CTNNA3: variants seen among roughly 807,000 people sequenced by gnomAD.
The protein encoded by CTNNA3 is catenin alpha-3.
CTNNA3 carries 76 observed loss-of-function variants against 95.7 expected under a neutral mutation model. The observed-to-expected ratio is 0.79, with a 90% CI of 0.66 to 0.96. The LOEUF is 0.96. Among genes scored for constraint, CTNNA3 ranks in the 40% least tolerant of loss-of-function variants. The pLI is 0.00. For synonymous variants in CTNNA3, 431 were observed against 374.4 expected (o/e 1.15, Z -1.74); for missense variants, 1,191 against 1,089.8 (o/e 1.09, Z -1.31).
intron 9 of CTNNA3, among the ~76,000 whole-genome samples, chr10:66,633,266 T>C (rs1276178862): frequency 1.3e-5 from 2 of 152,176 alleles, no homozygotes; most frequent in Non-Finnish European, 2.9e-5. Flanking sequence ...CAGTGGAGAA[T>C]AAATTATGTA....
In CTNNA3 at chr10:65,920,464, C is replaced by T. The variant is rs778712224; in HGVS notation, c.2554G>A (p.Ala852Thr). The T allele has an allele frequency of 6.8e-6, 11 of 1,613,946 alleles. No homozygotes were observed. In the South Asian group the frequency reaches 8.8e-5, roughly 13 times the overall value. ...TTAATCAAGGGTTTTTTTGCAGGAG[C>T]CTTCATTCTCCACATCACAACTGGG... ...RHPVVMWRMK[A>T]PAKKPLIKRE... is the part of the protein sequence containing the mutation. The change falls in exon 18 of 18, where the codon GCT becomes ACT. Residue 852 changes from alanine to threonine, a missense_variant. By Grantham distance (58) the Ala-to-Thr change is moderately conservative. Coordinates refer to ENST00000433211, the MANE Select transcript of CTNNA3 (RefSeq NM_013266.4).
At chr10:67,267,113 A>C (rs1270562109) in intron 5 of CTNNA3, among the ~76,000 whole-genome samples, 1 of 152,216 alleles carries the variant, frequency 6.6e-6, no homozygotes, top group East Asian at 1.9e-4. Context: ...GACTGACCCA[A>C]ATTAGTAGGC....
At chr10:66,161,980 T>A (rs973097591) in intron 13 of CTNNA3, among the ~76,000 whole-genome samples, 1 of 152,158 alleles carries the variant, frequency 6.6e-6, no homozygotes, top group Non-Finnish European at 1.5e-5. Flanking sequence ...ATTCTACTTG[T>A]TCAATTCTAT....
intron 7 of CTNNA3, among the ~76,000 whole-genome samples, chr10:66,969,375 C>T (rs1246314209): frequency 6.6e-6 from 1 of 151,926 alleles, no homozygotes; most frequent in Non-Finnish European, 1.5e-5. Flanking sequence ...CATATCGTTC[C>T]ATAAAATGAA....
At chr10:66,127,037 G>C (rs1250791489) in intron 13 of CTNNA3, among the ~76,000 whole-genome samples, 3 of 152,030 alleles carry the variant, frequency 2.0e-5, no homozygotes, top group Non-Finnish European at 4.4e-5. Context: ...GGGAGGCCGA[G>C]GTGGATGGAT....
chr10:67,689,059 C>T (rs748803018), intron 1 of CTNNA3, among the ~76,000 whole-genome samples: 16 of 152,120 alleles, frequency 1.1e-4, no homozygotes, highest in East Asian at 9.7e-4. Flanking sequence ...TGGCCCTTAC[C>T]GATGCATTCT....
At chr10:67,428,380 C>A (rs966553561) in intron 5 of CTNNA3, among the ~76,000 whole-genome samples, 2 of 151,656 alleles carry the variant, frequency 1.3e-5, no homozygotes, top group Non-Finnish European at 2.9e-5. Flanking sequence ...CGTAAATGAA[C>A]AAATCATTTT....
chr10:67,202,396 C>G (rs1026077759), intron 6 of CTNNA3, among the ~76,000 whole-genome samples: 1 of 152,074 alleles, frequency 6.6e-6, no homozygotes, highest in Middle Eastern at 3.2e-3. Flanking sequence ...AAGCCATAAT[C>G]AACACCCTAC....
chr10:66,543,903 GTGTGTGTGTATATATATA>G (rs1330538561), intron 10 of CTNNA3, among the ~76,000 whole-genome samples: 1,180 of 44,596 alleles, frequency 0.026, 37 homozygotes, highest in South Asian at 0.11. Flanking sequence ...CTTGAGATGT[GTGTGTGTGTATATATATA>G]TATATATATA....
intron 10 of CTNNA3, among the ~76,000 whole-genome samples, chr10:66,550,782 T>A (rs1333586907): frequency 1.3e-5 from 2 of 152,182 alleles, no homozygotes; most frequent in Admixed American, 6.5e-5. Flanking sequence ...GACTTTTTTT[T>A]AATCTGTTGA....
intron 5 of CTNNA3, among the ~76,000 whole-genome samples, chr10:67,353,699 G>A (rs556400489): frequency 2.6e-5 from 4 of 151,968 alleles, no homozygotes; most frequent in African/African-American, 9.6e-5. Flanking sequence ...TTGAGGTCAG[G>A]TACCATGATT....
upstream of CTNNA3, among the ~76,000 whole-genome samples, chr10:67,696,337 G>C (rs1840964011): frequency 2.0e-5 from 3 of 152,238 alleles, no homozygotes; most frequent in South Asian, 6.2e-4. Context: ...CTCTGAATAA[G>C]TTTAGATTTG....
At chr10:65,999,927 C>CAAAAAAAAAAA (rs34353272) in intron 15 of CTNNA3, among the ~76,000 whole-genome samples, 1 of 127,816 alleles carries the variant, frequency 7.8e-6, no homozygotes. Flanking sequence ...CAATAATAAT[C>CAAAAAAAAAAA]AAAAAAAAAA....
At chr10:66,465,421 C>A (rs895518117) in intron 11 of CTNNA3, among the ~76,000 whole-genome samples, 2 of 152,128 alleles carry the variant, frequency 1.3e-5, no homozygotes, top group Non-Finnish European at 2.9e-5. Context: ...AGAAATTACC[C>A]AGCACTTTGA....
intron 13 of CTNNA3, among the ~76,000 whole-genome samples, chr10:66,204,664 T>A (rs2087646370): frequency 6.6e-6 from 1 of 152,172 alleles, no homozygotes; most frequent in South Asian, 2.1e-4. Flanking sequence ...TCCTCCCTTG[T>A]ACTTACATCC....
At chr10:66,570,505 T>A (rs1842839023) in intron 10 of CTNNA3, among the ~76,000 whole-genome samples, 1 of 152,020 alleles carries the variant, frequency 6.6e-6, no homozygotes. Context: ...GCCAAGATGG[T>A]CTTGATCTCT....
intron 13 of CTNNA3, among the ~76,000 whole-genome samples, chr10:66,114,243 T>G (rs1241770367): frequency 6.6e-6 from 1 of 152,184 alleles, no homozygotes; most frequent in Non-Finnish European, 1.5e-5. Context: ...AACTTAAAAT[T>G]TGTTCATTTT....
intron 9 of CTNNA3, among the ~76,000 whole-genome samples, chr10:66,670,921 A>T (rs536675550): frequency 6.6e-6 from 1 of 152,328 alleles, no homozygotes; most frequent in African/African-American, 2.4e-5. Context: ...ATAGTATTTG[A>T]TTACTCAAGT....
intron 12 of CTNNA3, among the ~76,000 whole-genome samples, chr10:66,296,821 A>C (rs1439128838): frequency 6.6e-6 from 1 of 152,148 alleles, no homozygotes; most frequent in African/African-American, 2.4e-5. Flanking sequence ...AGGCTTTGAA[A>C]GCTTGATTAG....
Sources: gnomAD v4.1 joint callset for allele counts (sites outside exome capture counted in the v4.1 genomes callset) on GRCh38, gnomAD v4.1.1 for gene constraint, MANE v1.5 for transcripts, NCBI Gene and HGNC (gene_info 2026-07-23, HGNC 2026-07-21) for gene names.